The following IL5RA variants were observed in gnomAD, a reference collection of about 807,000 sequenced individuals.
IL5RA encodes interleukin-5 receptor subunit alpha.
Under a neutral mutation model 50.0 loss-of-function variants are expected in IL5RA, and 49 were observed. The observed-to-expected ratio is 0.98, with a 90% CI of 0.78 to 1.24. The LOEUF (loss-of-function observed/expected upper bound fraction) is 1.24, where lower values mean the gene tolerates loss of function less well. Ranked by LOEUF, IL5RA falls within the 50% of genes most tolerant of loss-of-function variation. The probability of loss-of-function intolerance (pLI) is 0.00; values close to 1 mark genes in which losing one functional copy is unlikely to be tolerated. For synonymous variants in IL5RA, 202 were observed against 174.0 expected, an observed-to-expected ratio of 1.16 and a Z score of -1.26; for missense variants, 600 against 500.4, an observed-to-expected ratio of 1.20 and a Z score of -1.90.
At chr3:3,089,646 CT>C (rs200006367) in intron 9 of IL5RA, among the ~76,000 whole-genome samples, 396 of 145,484 alleles carry the variant, frequency 2.7e-3, no homozygotes, top group East Asian at 5.8e-3. Context: ...ACCAAGATGT[CT>C]TTTTTTTTTT....
rs1702273902 is a variant in IL5RA, at chr3:3,070,835, C to T, written c.1177-524G>A. ...TGACCTTGTGATCCCCCCGCCTCGG[C>T]CTCCCAAAATGCTGGGATTACAGGC... On this transcript the variant is annotated intron_variant, in intron 11 of 11. Coordinates refer to ENST00000446632, the MANE Select transcript of IL5RA (RefSeq NM_175726.4). Among the ~76,000 whole-genome samples, 4 of 152,102 alleles carry T rather than the reference C, an allele frequency of 2.6e-5. No individual in the cohort carries two copies. In the South Asian group the frequency reaches 8.3e-4, roughly 32 times the overall value.
At chr3:3,079,291 C>G (rs1421850359) in intron 9 of IL5RA, among the ~76,000 whole-genome samples, 2 of 152,190 alleles carry the variant, frequency 1.3e-5, no homozygotes, top group African/African-American at 4.8e-5. Context: ...GGATGTTTCT[C>G]AAGGCTGACA....
At chr3:3,079,401 C>A (rs1026152441) in intron 9 of IL5RA, among the ~76,000 whole-genome samples, 2 of 152,206 alleles carry the variant, frequency 1.3e-5, no homozygotes, top group African/African-American at 4.8e-5. Flanking sequence ...AGACCTGAAG[C>A]CTCGAAGTCA....
chr3:3,085,480 G>C (rs1702819492), intron 9 of IL5RA, among the ~76,000 whole-genome samples: 1 of 152,162 alleles, frequency 6.6e-6, no homozygotes, highest in South Asian at 2.1e-4. Context: ...GAGACAGAGA[G>C]AAGGGATTAG....
Position 3,101,808 on chromosome 3 carries a change from C to T in IL5RA, c.251G>A (p.Ser84Asn). Residue 84 changes from serine (S) to asparagine (N), a missense_variant, in exon 5 of 12, where the codon AGC becomes AAC. Coordinates refer to ENST00000446632, the MANE Select transcript of IL5RA (RefSeq NM_175726.4). ...EDDYETRITE[S>N]KCVTILHKGF... ...TTTGTGGAGGATGGTTACACATTTGCTTTCAGTGATTCTGGTTTCATACTA... is the reference window on the plus strand; with the variant it reads ...TTTGTGGAGGATGGTTACACATTTGTTTTCAGTGATTCTGGTTTCATACTA... The T allele has an allele frequency of 1.9e-6, 3 of 1,613,854 alleles. No individual in the cohort carries two copies. Among genetic ancestry groups the T allele is most frequent in the Non-Finnish European group, 2.5e-6 (3 of 1,179,928 alleles).
chr3:3,092,471 G>T lies in IL5RA; in HGVS notation c.856-109C>A. The T allele has an allele frequency of 9.8e-7, 1 of 1,025,298 alleles. No individual in the cohort carries two copies. The highest frequency in any genetic ancestry group is 1.5e-6 in the Non-Finnish European group (1 of 688,600). The allele number at this position is 1,025,298 out of a possible 1,614,324, so 63.5% of individuals were successfully genotyped here. ...GGTCATGTGACTCACTGTTCAGCAA[G>T]TCCTTTAAAATCAACAGGGCACACA... On this transcript the variant is annotated intron_variant, in intron 8 of 11. Coordinates refer to ENST00000446632, the MANE Select transcript of IL5RA (RefSeq NM_175726.4). The surrounding 1 kb of genome is among the most constrained non-coding windows in gnomAD (Gnocchi z 4.2).
At chr3:3,103,054 G>A in intron 3 of IL5RA, 1 of 327,844 alleles carries the variant, frequency 3.1e-6, no homozygotes, top group Non-Finnish European at 5.6e-6. Context: ...TGGGTTTTTT[G>A]GTATTTTTAA....
In IL5RA at chr3:3,091,978, C is replaced by G. The variant is rs184409865; in HGVS notation, c.994+246G>C. ...AAAATGGATAGAAGTAGAAACAAAA[C>G]TTGGAAAAAAAACAGGCACCAGGTC... On this transcript the variant is annotated intron_variant, in intron 9 of 11. Transcript: ENST00000446632. The G allele has an allele frequency of 2.8e-4, 338 of 1,213,880 alleles. 1 individual carries two copies. The African/African-American group carries it at 4.5e-3, about 16-fold the overall frequency. 75.2% of individuals were successfully genotyped at this position (1,213,880 alleles called of 1,614,324 possible). A position where few individuals can be genotyped will look rare whatever the true frequency, so the allele number is the denominator to read the frequency against.
chr3:3,087,979 A>G lies in IL5RA; in HGVS notation c.994+4245T>C, dbSNP rs17882192. Reference sequence around the variant, plus strand: ...GAGGAGTAAATTCCAGAAAGGATGGATTTATAAGGTGAGTAGTAATATTAA... The same window carrying G: ...GAGGAGTAAATTCCAGAAAGGATGGGTTTATAAGGTGAGTAGTAATATTAA... On this transcript the variant is annotated intron_variant, in intron 9 of 11. Coordinates refer to ENST00000446632, the MANE Select transcript of IL5RA (RefSeq NM_175726.4). Among the ~76,000 whole-genome samples the G allele has an allele frequency of 5.1e-3, 769 of 152,256 alleles. 7 individuals are homozygous for G. Among genetic ancestry groups the G allele is most frequent in the African/African-American group, 0.016 (682 of 41,530 alleles).
intron 2 of IL5RA, among the ~76,000 whole-genome samples, chr3:3,105,938 T>C (rs1703900409): frequency 6.6e-6 from 1 of 152,202 alleles, no homozygotes; most frequent in Admixed American, 6.5e-5. Context: ...CACGCATGGC[T>C]TCCCCCTGTG....
At position 3,070,302 on chromosome 3, in the gene IL5RA, A is replaced by G; in HGVS notation, c.1186T>C (p.Ser396Pro). The change falls in exon 12 of 12, where the codon TCC becomes CCC. Residue 396 changes from serine to proline, a missense_variant. Coordinates refer to ENST00000446632, the MANE Select transcript of IL5RA (RefSeq NM_175726.4). ...ATGACTTCAATTTCCGTCTCACTGG[A>G]CCCAGCTTTCTGCAAAACAAATCAT... The part of the protein sequence containing the change: ...FVTTNYEKAG[S>P]SETEIEVICY... 1 of 1,610,892 alleles carries G rather than the reference A, an allele frequency of 6.2e-7. No homozygotes were observed. The highest frequency in any genetic ancestry group is 1.1e-5 in the South Asian group (1 of 90,730).
intron 9 of IL5RA, among the ~76,000 whole-genome samples, chr3:3,087,621 C>G (rs1574988978): frequency 1.1e-5 from 1 of 90,240 alleles, no homozygotes; most frequent in East Asian, 3.1e-4. Context: ...CCTCCATTTT[C>G]TTACATTAAA....
intron 7 of IL5RA, among the ~76,000 whole-genome samples, chr3:3,096,045 G>C (rs544304832): frequency 6.6e-6 from 1 of 152,266 alleles, no homozygotes; most frequent in South Asian, 2.1e-4. Context: ...TTGGGAGGCC[G>C]AGGCGGGTGG....
intron 10 of IL5RA, 30 bp from the exon 11 acceptor site, chr3:3,074,896 G>T: frequency 2.3e-6 from 3 of 1,331,882 alleles, no homozygotes; most frequent in South Asian, 1.2e-5. Flanking sequence ...GGAATTAGGT[G>T]AGCATGAGTA....
chr3:3,101,593 T>C (rs1328350433), intron 5 of IL5RA, 99 bp downstream of exon 5: 9 of 1,215,300 alleles, frequency 7.4e-6, no homozygotes, highest in South Asian at 2.9e-5. Context: ...GAAGAACGGG[T>C]GACTGACTAA....
chr3:3,091,828 T>C (rs1388444910), intron 9 of IL5RA: 1 of 207,120 alleles, frequency 4.8e-6, no homozygotes, highest in African/African-American at 2.3e-5. Flanking sequence ...ATTCCACTAT[T>C]GTACTATAGT....
Position 3,067,707 on chromosome 3 carries a change from C to G in IL5RA, c.*2518G>C, listed in dbSNP as rs1702169356. The G allele has an allele frequency of 6.6e-6, 1 of 152,260 alleles. No homozygotes were observed. Among genetic ancestry groups the G allele is most frequent in the Non-Finnish European group, 1.5e-5 (1 of 68,114 alleles). The allele number at this position is 152,260 out of a possible 1,614,324, so 9.4% of individuals were successfully genotyped here. On this transcript the variant is annotated 3_prime_UTR_variant, in exon 12 of 12. Transcript: ENST00000446632. ...AGGAGTTCCCAATCCACCAAGGAGGCCAATGGGCTACTTTGTGTTGCTCCT... is the reference window on the plus strand; with the variant it reads ...AGGAGTTCCCAATCCACCAAGGAGGGCAATGGGCTACTTTGTGTTGCTCCT...
At chr3:3,083,145 T>C (rs1053126275) in intron 9 of IL5RA, among the ~76,000 whole-genome samples, 1 of 152,196 alleles carries the variant, frequency 6.6e-6, no homozygotes, top group Non-Finnish European at 1.5e-5. Context: ...ATGGCATCAT[T>C]CATGAATGAA....
In IL5RA at chr3:3,070,575, C is replaced by CTTTTTTTTTT. The variant is rs71058670; in HGVS notation, c.1177-274_1177-265dup. On this transcript the variant is annotated intron_variant, in intron 11 of 11. Coordinates refer to ENST00000446632, the MANE Select transcript of IL5RA (RefSeq NM_175726.4). The stretch of plus-strand genomic sequence containing the variant: ...TACTTGAAGTCATATGGATACACAT[C>CTTTTTTTTTT]TTTTTTTTTTTTTTTTTTTTTTTTT... Among the ~76,000 whole-genome samples, 7 of 84,918 alleles carry CTTTTTTTTTT rather than the reference C, an allele frequency of 8.2e-5. 1 individual carries two copies. The highest frequency in any genetic ancestry group is 2.7e-4 in the African/African-American group (5 of 18,476). The allele number at this position is 84,918 out of a possible 152,430, so 55.7% of individuals were successfully genotyped here.
Sources: gnomAD v4.1 joint callset for allele counts (sites outside exome capture counted in the v4.1 genomes callset) on GRCh38, gnomAD v4.1.1 for gene constraint, Gnocchi (gnomAD v3.1) non-coding constraint, MANE v1.5 for transcripts, NCBI Gene and HGNC (gene_info 2026-07-23, HGNC 2026-07-21) for gene names.